SDK1: variants seen among roughly 807,000 people sequenced by gnomAD.
The protein encoded by SDK1 is sidekick cell adhesion molecule 1, also known as protein sidekick-1.
In SDK1, 157 loss-of-function variants were observed where a neutral mutation model predicts 245.5. The observed-to-expected ratio is 0.64, with a 90% confidence interval of 0.56 to 0.73. The LOEUF is 0.73. SDK1 is among the 30% of genes least tolerant of loss of function. The pLI is 0.00. For missense variants in SDK1, 3,583 were observed against 3,002.3 expected, an observed-to-expected ratio of 1.19 and a Z score of -4.52; for synonymous variants, 1,647 against 1,278.5, an observed-to-expected ratio of 1.29 and a Z score of -6.15.
At chr7:4,079,391 G>C (rs1457965436) in intron 21 of SDK1, 72 bp from the exon 22 acceptor site, 2 of 1,552,028 alleles carry the variant, frequency 1.3e-6, no homozygotes, top group Non-Finnish European at 1.8e-6. Context: ...TTTTGAAGCT[G>C]ACACGTTTGA....
chr7:3,392,405 A>G (rs1218182222), intron 1 of SDK1, among the ~76,000 whole-genome samples: 1 of 151,798 alleles, frequency 6.6e-6, no homozygotes, highest in Non-Finnish European at 1.5e-5. Context: ...TTTTGACATG[A>G]CTCCATTAGT....
In SDK1 at chr7:3,642,016, G is replaced by T. The variant is rs759753810; in HGVS notation, c.624G>T (p.Ala208=). Residue 208 remains alanine, a synonymous_variant, in exon 4 of 45, where the codon GCG becomes GCT. Coordinates refer to ENST00000404826, the MANE Select transcript of SDK1 (RefSeq NM_152744.4). The part of the protein sequence containing the change: ...QRKTVSQGRA[A]ILNLLPITSY... ...AAACAGTTTCTCAAGGACGTGCAGC[G>T]ATTCTAAACCTGCTGCCCATCACCA... 1 of 1,613,394 alleles carries T rather than the reference G, an allele frequency of 6.2e-7. No homozygotes were observed. Among genetic ancestry groups the T allele is most frequent in the Non-Finnish European group, 8.5e-7 (1 of 1,179,446 alleles).
At chr7:3,956,435 G>T (rs1781268064) in intron 7 of SDK1, among the ~76,000 whole-genome samples, 1 of 152,188 alleles carries the variant, frequency 6.6e-6, no homozygotes, top group Non-Finnish European at 1.5e-5. Context: ...GGCAGGGAGA[G>T]AACTCGTACC....
chr7:3,341,394 C>T (rs1433441149), intron 1 of SDK1, among the ~76,000 whole-genome samples: 1 of 152,162 alleles, frequency 6.6e-6, no homozygotes, highest in African/African-American at 2.4e-5. Flanking sequence ...CCAGCTAAGA[C>T]CATACTTCAT....
At chr7:3,722,956 T>G (rs1159978105) in intron 4 of SDK1, among the ~76,000 whole-genome samples, 1 of 152,212 alleles carries the variant, frequency 6.6e-6, no homozygotes. Flanking sequence ...ACCTGGAAAT[T>G]GCTTTACATG....
At position 4,034,793 on chromosome 7, in the gene SDK1, G is replaced by A. The variant is rs145690342; in HGVS notation, c.2603-14555G>A. Among the ~76,000 whole-genome samples, 13 of 152,250 alleles carry A rather than the reference G, an allele frequency of 8.5e-5. No homozygotes were observed. The East Asian group carries it at 1.5e-3, about 18-fold the overall frequency. Reference sequence around the variant, plus strand: ...CCAAAATGCCCATCATTAAGAGACCGACTGAGTAGACCATGGTATATCCAC... The same window carrying A: ...CCAAAATGCCCATCATTAAGAGACCAACTGAGTAGACCATGGTATATCCAC... On this transcript the variant is annotated intron_variant, in intron 17 of 44. Transcript: ENST00000404826.
At chr7:3,746,215 C>T (rs996311672) in intron 4 of SDK1, among the ~76,000 whole-genome samples, 1 of 152,162 alleles carries the variant, frequency 6.6e-6, no homozygotes, top group East Asian at 1.9e-4. Context: ...TGTGCAATAG[C>T]ATTATGTCTA....
intron 35 of SDK1, among the ~76,000 whole-genome samples, chr7:4,198,038 C>T (rs1783681659): frequency 6.6e-6 from 1 of 152,226 alleles, no homozygotes. Flanking sequence ...GGCAGCGAGG[C>T]CCTGTGGAAT....
At chr7:3,569,006 G>T (rs1160599799) in intron 1 of SDK1, among the ~76,000 whole-genome samples, 19 of 143,572 alleles carry the variant, frequency 1.3e-4, no homozygotes, top group Admixed American at 4.8e-4. Flanking sequence ...TGTGGCATAT[G>T]TTTTTTTTTT....
At chr7:3,805,199 G>GT (rs772122909) in intron 4 of SDK1, among the ~76,000 whole-genome samples, 2 of 152,114 alleles carry the variant, frequency 1.3e-5, no homozygotes, top group African/African-American at 2.4e-5. Context: ...AAATACAGTT[G>GT]TTTTTTGTAT....
rs144373998 is a variant in SDK1, at chr7:4,177,845, C to T, written c.4997-640C>T. Among the ~76,000 whole-genome samples, 1,044 of 152,312 alleles carry T rather than the reference C, an allele frequency of 6.9e-3. 19 individuals carry two copies. Among genetic ancestry groups the T allele is most frequent in the African/African-American group, 0.024 (981 of 41,570 alleles). On this transcript the variant is annotated intron_variant, in intron 34 of 44. Coordinates refer to ENST00000404826, the MANE Select transcript of SDK1 (RefSeq NM_152744.4). ...CAGTGGGAGCCCTGAGCTTGTTTTC[C>T]TGCAACTAGACGGTCCCATCTTGGG...
chr7:4,210,081 G>C lies in SDK1; in HGVS notation c.5458G>C (p.Val1820Leu), dbSNP rs200192934. The change falls in exon 38 of 45, where the codon GTG (valine) becomes CTG (leucine). Residue 1820 changes from valine (V) to leucine (L), a missense_variant. Coordinates refer to ENST00000404826, the MANE Select transcript of SDK1 (RefSeq NM_152744.4). ...AGAAATAACCTCCACCACGCTCAAC[G>C]TGTCCTGGGGCGAGCCTGCGGCGGC... ...FSEITSTTLN[V>L]SWGEPAAANG... 9 of 1,609,638 alleles carry C rather than the reference G, an allele frequency of 5.6e-6. No individual in the cohort carries two copies. Among genetic ancestry groups the C allele is most frequent in the Non-Finnish European group, 1.7e-6 (2 of 1,178,352 alleles).
intron 1 of SDK1, among the ~76,000 whole-genome samples, chr7:3,361,337 T>A (rs940398696): frequency 6.6e-6 from 1 of 152,320 alleles, no homozygotes; most frequent in African/African-American, 2.4e-5. Flanking sequence ...AACATTTGCA[T>A]TTCTATCATA....
intron 13 of SDK1, among the ~76,000 whole-genome samples, chr7:3,983,598 G>A (rs775361807): frequency 2.0e-5 from 3 of 152,234 alleles, no homozygotes; most frequent in African/African-American, 7.2e-5. Flanking sequence ...ACCAAAACGT[G>A]TGTGACTTGC....
intron 22 of SDK1, among the ~76,000 whole-genome samples, chr7:4,100,161 C>G (rs993965973): frequency 6.6e-6 from 1 of 152,312 alleles, no homozygotes; most frequent in East Asian, 1.9e-4. Context: ...ACATGTGGCA[C>G]AGGGAGTGTC....
chr7:3,361,024 A>G (rs964162110), intron 1 of SDK1, among the ~76,000 whole-genome samples: 4 of 152,228 alleles, frequency 2.6e-5, no homozygotes, highest in Non-Finnish European at 4.4e-5. Flanking sequence ...TACATCCATC[A>G]TCTTTCCCCT....
At chr7:3,706,520 G>T (rs1451929162) in intron 4 of SDK1, among the ~76,000 whole-genome samples, 1 of 152,040 alleles carries the variant, frequency 6.6e-6, no homozygotes, top group Non-Finnish European at 1.5e-5. Context: ...TCCTGCCTCG[G>T]CCTCCCAAAT....
chr7:3,823,446 T>C (rs12701208), intron 5 of SDK1, among the ~76,000 whole-genome samples: 17,969 of 152,206 alleles, frequency 0.12, 1,781 homozygotes, highest in African/African-American at 0.27. Flanking sequence ...CACAAAGTTA[T>C]AAAACAGTCC....
rs991699748 is a variant in SDK1 at position 4,241,735 on chromosome 7, G to A, written c.6131-58G>A. 14 of 1,606,654 alleles carry A rather than the reference G, an allele frequency of 8.7e-6. No homozygotes were observed. The East Asian group carries it at 1.1e-4, about 13-fold the overall frequency. ...CCCCGCTGGCCAGCTCTGGCTTGGC[G>A]TGGCTGCGGTGGCCACACCAGTAAC... On this transcript the variant is annotated intron_variant, in intron 42 of 44. Coordinates refer to ENST00000404826, the MANE Select transcript of SDK1 (RefSeq NM_152744.4).
Sources: allele counts gnomAD v4.1 joint callset (sites outside exome capture counted in the v4.1 genomes callset), GRCh38; gene constraint gnomAD v4.1.1; transcripts MANE v1.5; gene names NCBI Gene and HGNC (gene_info 2026-07-23, HGNC 2026-07-21).